Variants in COL25A1 observed in about 807,000 individuals in gnomAD.
The protein encoded by COL25A1 is collagen alpha-1(XXV) chain.
COL25A1 carries 103 observed loss-of-function variants against 128.4 expected under a neutral mutation model. The observed-to-expected ratio is 0.80, with a 90% CI of 0.68 to 0.94. COL25A1 has a LOEUF of 0.94. Among genes scored for constraint, COL25A1 ranks in the 40% least tolerant of loss-of-function variants. COL25A1 has a pLI of 0.00. For missense variants in COL25A1, 745 were observed against 840.0 expected, an observed-to-expected ratio of 0.89 and a Z score of 1.40; for synonymous variants, 279 against 277.2, an observed-to-expected ratio of 1.01 and a Z score of -0.06.
chr4:109,279,943 C>G (rs1171309288), intron 3 of COL25A1, among the ~76,000 whole-genome samples: 1 of 152,110 alleles, frequency 6.6e-6, no homozygotes, highest in African/African-American at 2.4e-5. Context: ...AATTCTCAAT[C>G]TGATGATCCT....
At chr4:109,090,224 C>T (rs3113697) in intron 3 of COL25A1, among the ~76,000 whole-genome samples, 35,191 of 151,990 alleles carry the variant, frequency 0.23, 5,259 homozygotes, top group African/African-American at 0.41. Flanking sequence ...AAAAACCACA[C>T]GGAACTGATA....
chr4:109,279,963 G>A (rs1015657674), intron 3 of COL25A1, among the ~76,000 whole-genome samples: 4 of 152,174 alleles, frequency 2.6e-5, no homozygotes, highest in Admixed American at 6.5e-5. Context: ...TTAGGATACT[G>A]AAAGATGAGG....
intron 3 of COL25A1, among the ~76,000 whole-genome samples, chr4:109,223,226 T>A (rs1778546034): frequency 6.6e-6 from 1 of 152,222 alleles, no homozygotes; most frequent in Non-Finnish European, 1.5e-5. Context: ...CTTTCCAAAC[T>A]ATTTCAGCCT....
intron 19 of COL25A1, among the ~76,000 whole-genome samples, chr4:108,871,881 G>C (rs1281612105): frequency 6.6e-6 from 1 of 151,952 alleles, no homozygotes; most frequent in Non-Finnish European, 1.5e-5. Context: ...TTCTCTCTCA[G>C]ACTTCAAAAA....
At chr4:108,965,577 A>G (rs1751204899) in intron 8 of COL25A1, among the ~76,000 whole-genome samples, 1 of 152,172 alleles carries the variant, frequency 6.6e-6, no homozygotes, top group Non-Finnish European at 1.5e-5. Context: ...TTAAGTCACT[A>G]AGATAGAGAA....
At chr4:108,871,746 TA>T (rs1738744249) in intron 19 of COL25A1, among the ~76,000 whole-genome samples, 2 of 152,226 alleles carry the variant, frequency 1.3e-5, no homozygotes, top group Admixed American at 1.3e-4. Flanking sequence ...AAAAACCACA[TA>T]CTTAATTTTA....
At chr4:109,295,578 G>C (rs1057306518) in intron 3 of COL25A1, among the ~76,000 whole-genome samples, 4 of 151,954 alleles carry the variant, frequency 2.6e-5, no homozygotes, top group African/African-American at 9.7e-5. Flanking sequence ...GCAGTGTTAA[G>C]ATAAAAACAT....
At chr4:109,222,059 C>CTTTTTTTTTTTTTT (rs3041336) in intron 3 of COL25A1, among the ~76,000 whole-genome samples, 1 of 85,762 alleles carries the variant, frequency 1.2e-5, no homozygotes, top group African/African-American at 5.2e-5. Context: ...TAAATAACTT[C>CTTTTTTTTTTTTTT]TTTTTTTTTT....
chr4:109,115,081 G>A (rs1282421958), intron 3 of COL25A1, among the ~76,000 whole-genome samples: 3 of 151,946 alleles, frequency 2.0e-5, no homozygotes, highest in Non-Finnish European at 4.4e-5. Flanking sequence ...ACATTAAAAT[G>A]TTTTTGGCCC....
intron 6 of COL25A1, among the ~76,000 whole-genome samples, chr4:109,009,851 C>T (rs911606680): frequency 6.6e-6 from 1 of 152,090 alleles, no homozygotes. Context: ...TCAATATGGG[C>T]TCAATAAGAT....
chr4:109,165,203 AT>A (rs926193815), intron 3 of COL25A1, among the ~76,000 whole-genome samples: 22 of 152,108 alleles, frequency 1.4e-4, no homozygotes, highest in African/African-American at 5.3e-4. Context: ...GGCGATTTAA[AT>A]TTTTTTTAAG....
chr4:109,167,395 C>T (rs991260943), intron 3 of COL25A1, among the ~76,000 whole-genome samples: 2 of 151,988 alleles, frequency 1.3e-5, no homozygotes, highest in Non-Finnish European at 2.9e-5. Context: ...GTGTGTAATA[C>T]AAAATGAAGA....
chr4:108,892,124 T>C (rs562647886), intron 16 of COL25A1, among the ~76,000 whole-genome samples: 1 of 144,432 alleles, frequency 6.9e-6, no homozygotes, highest in South Asian at 2.3e-4. Context: ...ACAGTGTGTG[T>C]TTATAATCCT....
intron 11 of COL25A1, among the ~76,000 whole-genome samples, chr4:108,934,216 C>G (rs1747128259): frequency 1.3e-5 from 2 of 151,924 alleles, no homozygotes; most frequent in East Asian, 3.9e-4. Flanking sequence ...CCATCATTCT[C>G]AGCAAACTAT....
At chr4:108,964,994 A>G (rs1287352113) in intron 8 of COL25A1, among the ~76,000 whole-genome samples, 1 of 152,206 alleles carries the variant, frequency 6.6e-6, no homozygotes, top group African/African-American at 2.4e-5. Context: ...GCTACAGAGA[A>G]AGGCAAGGGT....
chr4:109,135,932 A>G (rs1769698590), intron 3 of COL25A1, among the ~76,000 whole-genome samples: 1 of 152,204 alleles, frequency 6.6e-6, no homozygotes, highest in South Asian at 2.1e-4. Flanking sequence ...CTAGAGTCTG[A>G]GACACAGTTA....
At chr4:109,008,634 G>C (rs1022214459) in intron 6 of COL25A1, among the ~76,000 whole-genome samples, 2 of 152,092 alleles carry the variant, frequency 1.3e-5, no homozygotes, top group Admixed American at 1.3e-4. Flanking sequence ...TTCAAGGGCT[G>C]AGCACTACAA....
chr4:109,115,212 T>C (rs182988392), intron 3 of COL25A1, among the ~76,000 whole-genome samples: 27 of 152,204 alleles, frequency 1.8e-4, no homozygotes, highest in Admixed American at 5.2e-4. Flanking sequence ...CTTAGGGGAT[T>C]TGCCTAAACA....
intron 3 of COL25A1, among the ~76,000 whole-genome samples, chr4:109,281,821 T>G (rs60274539): frequency 7.2e-4 from 110 of 152,308 alleles, no homozygotes; most frequent in African/African-American, 2.5e-3. Context: ...TAAGGAGTAA[T>G]GCTAAAGCAA....
Sources: allele counts gnomAD v4.1 joint callset (sites outside exome capture counted in the v4.1 genomes callset), GRCh38; gene constraint gnomAD v4.1.1; transcripts MANE v1.5; gene names NCBI Gene and HGNC (gene_info 2026-07-23, HGNC 2026-07-21).